AFF4: variants seen among roughly 807,000 people sequenced by gnomAD.
AFF4 encodes the protein AF4/FMR2 family member 4.
Under a neutral mutation model 124.8 loss-of-function variants are expected in AFF4, and 13 were observed. The observed-to-expected ratio is 0.10, with a 90% CI of 0.07 to 0.17. The LOEUF (loss-of-function observed/expected upper bound fraction) is 0.17. Among genes scored for constraint, AFF4 ranks in the 10% least tolerant of loss-of-function variants. The pLI is 1.00. For synonymous variants in AFF4, 477 were observed against 496.1 expected (o/e 0.96, Z 0.51); for missense variants, 1,092 against 1,403.8 (o/e 0.78, Z 3.55).
chr5:132,957,998 T>G (rs1305467231), intron 1 of AFF4, among the ~76,000 whole-genome samples: 1 of 152,140 alleles, frequency 6.6e-6, no homozygotes, highest in Admixed American at 6.6e-5. Flanking sequence ...TGGATCCTAA[T>G]TCACAAAAAT....
chr5:132,934,997 T>C, intron 2 of AFF4, 56 bp from the exon 3 acceptor site: 1 of 1,369,094 alleles, frequency 7.3e-7, no homozygotes, highest in Non-Finnish European at 9.7e-7. Context: ...AGAAATAAAA[T>C]ATAATTCTGA....
At chr5:132,886,210 TG>T (rs1294096966) in intron 18 of AFF4, 99 bp downstream of exon 18, 11 of 964,164 alleles carry the variant, frequency 1.1e-5, no homozygotes, top group Non-Finnish European at 1.7e-5. Flanking sequence ...GCTCCTCCCC[TG>T]GTGTGTTTTG....
In AFF4 at chr5:132,948,497, A is replaced by G. The variant is rs1340818332; in HGVS notation, c.-4-11304T>C. The G allele has an allele frequency of 2.6e-4, 39 of 152,888 alleles. 1 individual carries two copies. The highest frequency in any genetic ancestry group is 4.4e-5 in the Non-Finnish European group (3 of 68,062). 9.5% of individuals were successfully genotyped at this position (152,888 alleles called of 1,614,324 possible). ...CTCCAGCAGCAAACACAGCGTTATC[A>G]TGGCCTCACAGTGACGAGCATGTTC... is the stretch of plus-strand genomic sequence containing the variant. On this transcript the variant is annotated intron_variant, in intron 1 of 20. Coordinates refer to ENST00000265343, the MANE Select transcript of AFF4 (RefSeq NM_014423.4).
At chr5:132,902,859 C>A (rs1335478913) in intron 6 of AFF4, among the ~76,000 whole-genome samples, 2 of 152,102 alleles carry the variant, frequency 1.3e-5, no homozygotes, top group Non-Finnish European at 2.9e-5. Context: ...TTTATTATAG[C>A]CTGGTTTGTA....
chr5:132,921,745 C>T (rs1581306478), intron 5 of AFF4, among the ~76,000 whole-genome samples: 1 of 152,024 alleles, frequency 6.6e-6, no homozygotes, highest in African/African-American at 2.4e-5. Flanking sequence ...GGATTACAGG[C>T]GTGAGCCACT....
chr5:132,939,979 C>T (rs1410847598), intron 1 of AFF4, among the ~76,000 whole-genome samples: 1 of 152,212 alleles, frequency 6.6e-6, no homozygotes, highest in Admixed American at 6.5e-5. Flanking sequence ...GGGCGGATCA[C>T]TGGAGGTAAG....
chr5:132,947,264 G>C (rs557023275), intron 1 of AFF4, among the ~76,000 whole-genome samples: 1 of 151,938 alleles, frequency 6.6e-6, no homozygotes, highest in African/African-American at 2.4e-5. Flanking sequence ...TTAGCCGGGT[G>C]TGGTAACGCG....
intron 1 of AFF4, chr5:132,937,718 G>C (rs1761465501): frequency 1.3e-5 from 2 of 152,126 alleles, no homozygotes; most frequent in Non-Finnish European, 2.9e-5. Flanking sequence ...TTTGACCTCA[G>C]CTTTGCTGTT....
intron 4 of AFF4, chr5:132,927,565 T>C (rs1434637155): frequency 4.4e-6 from 1 of 227,568 alleles, no homozygotes; most frequent in African/African-American, 2.4e-5. Context: ...TAACATTTAC[T>C]GTGTACCTTG....
At chr5:132,923,081 CAGG>C in intron 5 of AFF4, among the ~76,000 whole-genome samples, 1 of 152,132 alleles carries the variant, frequency 6.6e-6, no homozygotes, top group African/African-American at 2.4e-5. Flanking sequence ...GAGGCTGAGG[CAGG>C]AGAATCACTT....
In AFF4 at chr5:132,889,526, T is replaced by C. The variant is rs911125166; in HGVS notation, c.2638-353A>G. ...TACTGGTCAATGAAAACAGCAATAATATTAATAGCATCTAATATTTATTAT... is the reference window on the plus strand; with the variant it reads ...TACTGGTCAATGAAAACAGCAATAACATTAATAGCATCTAATATTTATTAT... On this transcript the variant is annotated intron_variant, in intron 13 of 20. Transcript: ENST00000265343. Among the ~76,000 whole-genome samples, 3 of 152,212 alleles carry C rather than the reference T, an allele frequency of 2.0e-5. No individual in the cohort carries two copies. The South Asian group carries it at 6.2e-4, about 31-fold the overall frequency.
chr5:132,906,138 T>A (rs1417722031), intron 5 of AFF4, among the ~76,000 whole-genome samples: 1 of 152,222 alleles, frequency 6.6e-6, no homozygotes, highest in Non-Finnish European at 1.5e-5. Flanking sequence ...GACAAGTATG[T>A]GAAGAAATCA....
intron 4 of AFF4, among the ~76,000 whole-genome samples, chr5:132,930,780 T>TCATGTGTCAATTTTAAA (rs1761279923): frequency 6.6e-6 from 1 of 152,042 alleles, no homozygotes; most frequent in Admixed American, 6.6e-5. Context: ...TACTTTTTGG[T>TCATGTGTCAATTTTAAA]CATGTGTCAA....
intron 18 of AFF4, 93 bp from the exon 19 acceptor site, chr5:132,885,212 A>C: frequency 3.3e-6 from 3 of 902,836 alleles, no homozygotes; most frequent in Non-Finnish European, 5.0e-6. Flanking sequence ...GCAAGAGCTC[A>C]TCGTGAGCAG....
At chr5:132,955,795 A>AAAAAATATAT (rs1554079227) in intron 1 of AFF4, among the ~76,000 whole-genome samples, 1 of 117,558 alleles carries the variant, frequency 8.5e-6, no homozygotes, top group African/African-American at 3.6e-5. Flanking sequence ...AAAAAAAAAA[A>AAAAAATATAT]ATATATATAT....
intron 5 of AFF4, among the ~76,000 whole-genome samples, chr5:132,907,687 T>C (rs1337403899): frequency 2.6e-5 from 4 of 152,088 alleles, no homozygotes; most frequent in Non-Finnish European, 5.9e-5. Flanking sequence ...GGAACTGCCA[T>C]TCAGATTGAA....
intron 5 of AFF4, among the ~76,000 whole-genome samples, chr5:132,916,720 A>G (rs1331680565): frequency 1.3e-5 from 2 of 152,266 alleles, no homozygotes; most frequent in Middle Eastern, 3.4e-3. Flanking sequence ...TGCTGTGTGC[A>G]TCAGACAACA....
At chr5:132,955,323 G>A (rs915263146) in intron 1 of AFF4, among the ~76,000 whole-genome samples, 1 of 152,046 alleles carries the variant, frequency 6.6e-6, no homozygotes, top group African/African-American at 2.4e-5. Flanking sequence ...TCTTATTTAG[G>A]GTTATGGGTC....
intron 1 of AFF4, among the ~76,000 whole-genome samples, chr5:132,942,155 A>G (rs1761585050): frequency 6.6e-6 from 1 of 152,182 alleles, no homozygotes; most frequent in African/African-American, 2.4e-5. Flanking sequence ...GTCAATCCCA[A>G]GTCCCAGGTT....
Sources: allele counts gnomAD v4.1 joint callset (sites outside exome capture counted in the v4.1 genomes callset), GRCh38; gene constraint gnomAD v4.1.1; transcripts MANE v1.5; gene names NCBI Gene and HGNC (gene_info 2026-07-23, HGNC 2026-07-21).